Variants in DNER observed in about 807,000 individuals in gnomAD.
DNER encodes delta and Notch-like epidermal growth factor-related receptor.
Under a neutral mutation model 78.2 loss-of-function variants are expected in DNER, and 33 were observed. The ratio of observed to expected loss-of-function variants is 0.42; its 90% CI spans 0.32 to 0.56. DNER has a LOEUF of 0.56. DNER is among the 20% of genes least tolerant of loss of function. The pLI is 0.11. For missense variants in DNER, 918 were observed against 975.3 expected (o/e 0.94, Z 0.78); for synonymous variants, 417 against 384.8 (o/e 1.08, Z -0.98).
intron 1 of DNER, among the ~76,000 whole-genome samples, chr2:229,647,969 A>G (rs1698749267): frequency 6.6e-6 from 1 of 152,200 alleles, no homozygotes; most frequent in South Asian, 2.1e-4. Flanking sequence ...TAACCGTTCC[A>G]CAAAGGTCAT....
chr2:229,548,791 G>A (rs28507331), intron 4 of DNER, among the ~76,000 whole-genome samples: 1 of 152,090 alleles, frequency 6.6e-6, no homozygotes, highest in Non-Finnish European at 1.5e-5. Flanking sequence ...AAAACTTCAA[G>A]TGGAAAATAT....
At chr2:229,635,133 C>G (rs1344616329) in intron 1 of DNER, among the ~76,000 whole-genome samples, 1 of 152,134 alleles carries the variant, frequency 6.6e-6, no homozygotes, top group Non-Finnish European at 1.5e-5. Context: ...TTCTTCCATG[C>G]TGCCCTGAGC....
At chr2:229,604,152 A>C (rs1370795359) in intron 1 of DNER, among the ~76,000 whole-genome samples, 2 of 152,224 alleles carry the variant, frequency 1.3e-5, no homozygotes, top group Non-Finnish European at 2.9e-5. Flanking sequence ...TCAGAGTAGC[A>C]CTTTGAAAAG....
At chr2:229,702,873 T>C (rs373345924) in intron 1 of DNER, among the ~76,000 whole-genome samples, 18 of 136,024 alleles carry the variant, frequency 1.3e-4, no homozygotes, top group South Asian at 1.2e-3. Context: ...GCTGAGACCG[T>C]GCCACTGCAC....
intron 12 of DNER, among the ~76,000 whole-genome samples, chr2:229,360,605 G>T (rs1358871214): frequency 2.6e-5 from 4 of 152,148 alleles, no homozygotes; most frequent in Middle Eastern, 3.4e-3. Context: ...GTAGAGACGG[G>T]GTTTCACTGT....
At chr2:229,511,990 A>G (rs773591978) in intron 6 of DNER, among the ~76,000 whole-genome samples, 15 of 152,254 alleles carry the variant, frequency 9.9e-5, no homozygotes, top group Non-Finnish European at 1.6e-4. Flanking sequence ...TAAGAAGTGT[A>G]TGCTGAAAAT....
chr2:229,573,772 T>C (rs1251055540), intron 4 of DNER, among the ~76,000 whole-genome samples: 1 of 152,178 alleles, frequency 6.6e-6, no homozygotes, highest in Non-Finnish European at 1.5e-5. Context: ...CTTGGCAATG[T>C]GATAGCGTCC....
chr2:229,675,708 G>A (rs907412220), intron 1 of DNER, among the ~76,000 whole-genome samples: 5 of 152,208 alleles, frequency 3.3e-5, no homozygotes, highest in African/African-American at 1.2e-4. Context: ...GTTCTGGCCA[G>A]TGCTCTGTCT....
At position 229,366,986 on chromosome 2, in the gene DNER, G is replaced by T. The variant is rs145890820; in HGVS notation, c.1989C>A (p.Arg663=). The T allele has an allele frequency of 2.4e-4, 394 of 1,614,022 alleles. 1 individual carries two copies. Among genetic ancestry groups the T allele is most frequent in the Non-Finnish European group, 3.2e-4 (372 of 1,180,026 alleles). ...AACCCTGGTATTCAATGCGGCTGATGCGGCAAATCCCCACGATCAGGATGA... is the reference window on the plus strand; with the variant it reads ...AACCCTGGTATTCAATGCGGCTGATTCGGCAAATCCCCACGATCAGGATGA... ...MLIILIVGIC[R]ISRIEYQGSS... is the part of the protein sequence containing the mutation. The change falls in exon 12 of 13, where the codon CGC becomes CGA. Residue 663 remains arginine (R), a synonymous_variant. Transcript: ENST00000341772.
At chr2:229,488,387 T>A (rs1318876287) in intron 6 of DNER, among the ~76,000 whole-genome samples, 1 of 152,226 alleles carries the variant, frequency 6.6e-6, no homozygotes, top group African/African-American at 2.4e-5. Context: ...TGTGTGTACA[T>A]GTTTTGTGTT....
chr2:229,512,375 T>A (rs915957615), intron 6 of DNER, among the ~76,000 whole-genome samples: 2 of 86,524 alleles, frequency 2.3e-5, no homozygotes, highest in Non-Finnish European at 5.3e-5. Flanking sequence ...AGTGAGACTC[T>A]GTCTCAAAAA....
intron 1 of DNER, among the ~76,000 whole-genome samples, chr2:229,613,034 T>C (rs944478644): frequency 2.0e-5 from 3 of 152,218 alleles, no homozygotes; most frequent in Non-Finnish European, 4.4e-5. Context: ...TGCATCCTCA[T>C]TAAAACATTC....
intron 7 of DNER, among the ~76,000 whole-genome samples, chr2:229,461,722 T>C (rs1694707400): frequency 6.6e-6 from 1 of 152,066 alleles, no homozygotes; most frequent in Non-Finnish European, 1.5e-5. Flanking sequence ...ACAATCTTCC[T>C]TGAAGAGTAG....
intron 6 of DNER, among the ~76,000 whole-genome samples, chr2:229,504,190 C>G (rs1378824467): frequency 6.6e-6 from 1 of 152,072 alleles, no homozygotes; most frequent in African/African-American, 2.4e-5. Flanking sequence ...TTCATCTATA[C>G]CCTTTGTAAT....
intron 1 of DNER, among the ~76,000 whole-genome samples, chr2:229,613,718 A>G (rs1320071528): frequency 6.6e-6 from 1 of 151,950 alleles, no homozygotes; most frequent in Admixed American, 6.6e-5. Flanking sequence ...TACTTTAAAG[A>G]CATTTCATTT....
At chr2:229,377,943 G>A (rs114035399) in intron 11 of DNER, among the ~76,000 whole-genome samples, 6,350 of 152,226 alleles carry the variant, frequency 0.042, 403 homozygotes, top group African/African-American at 0.14. Flanking sequence ...TCTTGAGATG[G>A]AGAGATTATT....
Position 229,714,276 on chromosome 2 carries a change from C to T in DNER, c.148G>A (p.Ala50Thr). The change falls in exon 1 of 13, where the codon GCG (alanine) becomes ACG (threonine). Residue 50 changes from alanine to threonine, a missense_variant. Coordinates refer to ENST00000341772, the MANE Select transcript of DNER (RefSeq NM_139072.4). Reference protein sequence around the residue: ...APLSAPGPCAAQPCRNGGVCT... With the variant: ...APLSAPGPCATQPCRNGGVCT... ...ACACCCCCATTCCGGCAGGGCTGCG[C>T]GGCGCACGGCCCGGGCGCAGACAGG... 2 of 1,382,630 alleles carry T rather than the reference C, an allele frequency of 1.4e-6. No homozygotes were observed. Among genetic ancestry groups the T allele is most frequent in the Admixed American group, 3.0e-5 (1 of 33,224 alleles). The allele number at this position is 1,382,630 out of a possible 1,614,324, so 85.6% of individuals were successfully genotyped here.
chr2:229,519,277 G>C (rs562048388), intron 5 of DNER, among the ~76,000 whole-genome samples: 1 of 152,050 alleles, frequency 6.6e-6, no homozygotes, highest in Admixed American at 6.6e-5. Flanking sequence ...CTGTGTGTTG[G>C]TGAACAAATC....
chr2:229,426,471 G>T (rs1211925882), intron 8 of DNER, among the ~76,000 whole-genome samples: 1 of 150,226 alleles, frequency 6.7e-6, no homozygotes, highest in Non-Finnish European at 1.5e-5. Flanking sequence ...AAAAGATATG[G>T]GTCACAGAGA....
Sources: allele counts gnomAD v4.1 joint callset (sites outside exome capture counted in the v4.1 genomes callset), GRCh38; gene constraint gnomAD v4.1.1; transcripts MANE v1.5; gene names NCBI Gene and HGNC (gene_info 2026-07-23, HGNC 2026-07-21).